VGLL4: variants seen among roughly 807,000 people sequenced by gnomAD.
The protein encoded by VGLL4 is vestigial like family member 4.
In VGLL4, 7 loss-of-function variants were observed where a neutral mutation model predicts 21.0. The observed-to-expected ratio is 0.33, with a 90% CI of 0.19 to 0.63. The LOEUF (loss-of-function observed/expected upper bound fraction) is 0.63, where lower values mean the gene tolerates loss of function less well. Among genes scored for constraint, VGLL4 ranks in the 20% least tolerant of loss-of-function variants. VGLL4 has a pLI of 0.78. For synonymous variants in VGLL4, 222 were observed against 173.2 expected (o/e 1.28, Z -2.21); for missense variants, 394 against 425.7 (o/e 0.93, Z 0.66).
intron 1 of VGLL4, among the ~76,000 whole-genome samples, chr3:11,712,823 G>A (rs958876533): frequency 3.3e-5 from 5 of 152,270 alleles, no homozygotes; most frequent in Middle Eastern, 3.4e-3. Context: ...TAATGTGACC[G>A]TTTCAACAGC....
rs554903073 is a variant in VGLL4, at chr3:11,582,042, T to C, written c.273-17023A>G. 2.6e-5 allele frequency among the ~76,000 whole-genome samples: 4 copies of C among 152,292 alleles called. No individual in the cohort carries two copies. The East Asian group carries it at 5.8e-4, about 22-fold the overall frequency. On this transcript the variant is annotated intron_variant, in intron 2 of 4. Coordinates refer to ENST00000430365, the MANE Select transcript of VGLL4 (RefSeq NM_001128219.3). ...CTGCTCTCAGCAGCCCTCTCTCCCA[T>C]TCCAGTCCCCGCTTAGGAGAAACTG...
At chr3:11,579,147 C>G (rs557217929) in intron 2 of VGLL4, among the ~76,000 whole-genome samples, 26 of 149,944 alleles carry the variant, frequency 1.7e-4, no homozygotes, top group Admixed American at 1.7e-3. Flanking sequence ...TGCCTCTGAG[C>G]ATCCAGGTAG....
At chr3:11,635,819 C>T (rs1559914832) in intron 1 of VGLL4, among the ~76,000 whole-genome samples, 1 of 152,236 alleles carries the variant, frequency 6.6e-6, no homozygotes, top group South Asian at 2.1e-4. Context: ...TTTCCATTCC[C>T]TTTACTTTCT....
At position 11,703,046 on chromosome 3, in the gene VGLL4, G is replaced by A. The variant is rs201475630; in HGVS notation, c.-12C>T. 681 of 1,599,382 alleles carry A rather than the reference G, an allele frequency of 4.3e-4. 1 individual carries two copies. The highest frequency in any genetic ancestry group is 5.6e-4 in the Non-Finnish European group (658 of 1,175,790). ...AATGGCGTCTCCATTCCTGGTTGGAGCCTAAGAGGAAAAAATAAAAGGGGA... is the reference window on the plus strand; with the variant it reads ...AATGGCGTCTCCATTCCTGGTTGGAACCTAAGAGGAAAAAATAAAAGGGGA... On this transcript the variant is annotated splice_region_variant and 5_prime_UTR_variant, in exon 2 of 6. Coordinates refer to the VGLL4 transcript ENST00000273038.
chr3:11,657,046 T>C (rs2075969057), intron 2 of VGLL4, among the ~76,000 whole-genome samples: 1 of 152,162 alleles, frequency 6.6e-6, no homozygotes, highest in African/African-American at 2.4e-5. Flanking sequence ...CCCTCTGTAC[T>C]CTTCACACTG....
At chr3:11,699,811 C>CAA (rs112509560) in intron 2 of VGLL4, among the ~76,000 whole-genome samples, 2 of 138,978 alleles carry the variant, frequency 1.4e-5, no homozygotes, top group African/African-American at 5.3e-5. Context: ...AGTTCTGTCT[C>CAA]AAAAAAAAAA....
chr3:11,667,193 G>A (rs1445354017), intron 2 of VGLL4, among the ~76,000 whole-genome samples: 1 of 152,192 alleles, frequency 6.6e-6, no homozygotes, highest in Non-Finnish European at 1.5e-5. Flanking sequence ...AACTCACAAA[G>A]CCCTACACTG....
intron 2 of VGLL4, among the ~76,000 whole-genome samples, chr3:11,570,520 T>A (rs1448231286): frequency 6.6e-6 from 1 of 152,148 alleles, no homozygotes; most frequent in East Asian, 1.9e-4. Flanking sequence ...CCTAATCTCC[T>A]TGGCTCCGCA....
intron 2 of VGLL4, among the ~76,000 whole-genome samples, chr3:11,567,172 C>A (rs1009268994): frequency 6.6e-6 from 1 of 152,150 alleles, no homozygotes; most frequent in African/African-American, 2.4e-5. Flanking sequence ...CCGAGGCGTT[C>A]CGAGCCTCGG....
At chr3:11,716,750 A>G (rs555874745) in intron 1 of VGLL4, among the ~76,000 whole-genome samples, 4 of 152,168 alleles carry the variant, frequency 2.6e-5, no homozygotes, top group Non-Finnish European at 5.9e-5. Context: ...TGTATCTGCC[A>G]AATCTTGCAT....
At chr3:11,603,997 C>G (rs1362265619) in intron 1 of VGLL4, among the ~76,000 whole-genome samples, 5 of 152,174 alleles carry the variant, frequency 3.3e-5, no homozygotes, top group African/African-American at 1.2e-4. Context: ...GTTCATCCAA[C>G]GGATGCAGTG....
intron 2 of VGLL4, among the ~76,000 whole-genome samples, chr3:11,675,266 T>C (rs1222952555): frequency 4.0e-5 from 6 of 151,890 alleles, no homozygotes; most frequent in Non-Finnish European, 7.4e-5. Flanking sequence ...CACTTGAACC[T>C]GGGGAGCAGA....
chr3:11,662,246 C>G (rs1269504327), intron 2 of VGLL4, among the ~76,000 whole-genome samples: 3 of 152,176 alleles, frequency 2.0e-5, no homozygotes, highest in Non-Finnish European at 4.4e-5. Flanking sequence ...CACCCGAAGC[C>G]CACCAGACCT....
intron 1 of VGLL4, chr3:11,626,228 G>A: frequency 2.5e-6 from 1 of 402,352 alleles, no homozygotes. Flanking sequence ...CAACTGCAGT[G>A]GTAACCAAAT....
intron 2 of VGLL4, among the ~76,000 whole-genome samples, chr3:11,587,433 A>G (rs1045421053): frequency 6.6e-6 from 1 of 152,246 alleles, no homozygotes; most frequent in South Asian, 2.1e-4. Flanking sequence ...GCCTAAGACA[A>G]AATGATGTGG....
chr3:11,693,445 A>T (rs1464023654), intron 2 of VGLL4, among the ~76,000 whole-genome samples: 1 of 152,222 alleles, frequency 6.6e-6, no homozygotes, highest in Admixed American at 6.5e-5. Context: ...CGTCCTCAAC[A>T]GGCAAGGATC....
intron 2 of VGLL4, among the ~76,000 whole-genome samples, chr3:11,584,569 T>C (rs1461884202): frequency 6.6e-6 from 1 of 152,114 alleles, no homozygotes; most frequent in Non-Finnish European, 1.5e-5. Context: ...ATTCCACTTC[T>C]ATAAAAGTGG....
chr3:11,612,450 C>A (rs2075081137), intron 1 of VGLL4: 2 of 152,212 alleles, frequency 1.3e-5, no homozygotes. Context: ...GCCTGAAGAT[C>A]ATCAGATCTA....
In VGLL4 at chr3:11,568,736, C is replaced by T. The variant is rs1016238681; in HGVS notation, c.273-3717G>A. 1.8e-5 allele frequency: 28 copies of T among 1,534,224 alleles called. No homozygotes were observed. Among genetic ancestry groups the T allele is most frequent in the East Asian group, 4.9e-5 (2 of 40,756 alleles). On this transcript the variant is annotated intron_variant, in intron 2 of 4. Transcript: ENST00000430365. The surrounding 1 kb of genome is among the most constrained non-coding windows in gnomAD (Gnocchi z 5.9). The stretch of plus-strand genomic sequence containing the variant: ...TGTGCTCCCGGGGACGGCAGAAAAC[C>T]GCACGCATCCTGCCCGGGAGATGGA...
Sources: allele counts gnomAD v4.1 joint callset (sites outside exome capture counted in the v4.1 genomes callset), GRCh38; gene constraint gnomAD v4.1.1; non-coding constraint Gnocchi (gnomAD v3.1); transcripts MANE v1.5; gene names NCBI Gene and HGNC (gene_info 2026-07-23, HGNC 2026-07-21).